MYL5: variants seen among roughly 807,000 people sequenced by gnomAD.
MYL5 encodes myosin light chain 5, also known as myosin regulatory light chain 5.
MYL5 carries 28 observed loss-of-function variants against 20.8 expected under a neutral mutation model. That is an observed-to-expected ratio of 1.35 (90% CI 1.00 to 1.84). The LOEUF is 1.84. Ranked by LOEUF, MYL5 falls within the 40% of genes most tolerant of loss-of-function variation. The pLI, the probability that MYL5 is intolerant of heterozygous loss-of-function variation, is 0.00. For synonymous variants in MYL5, 118 were observed against 87.4 expected (o/e 1.35, Z -1.95); for missense variants, 274 against 227.3 (o/e 1.21, Z -1.32).
At position 681,157 on chromosome 4, in the gene MYL5, C is replaced by G. The variant is rs1739449146; in HGVS notation, c.420+17C>G. On this transcript the variant is annotated intron_variant, in intron 6 of 6. Transcript: ENST00000400159. ...GCGGAAGAGGTCTGGCCCGCGGCTT[C>G]CCTGCCAAGCCCACGAGGGGAGGGC... is the stretch of plus-strand genomic sequence containing the variant. The G allele has an allele frequency of 2.6e-5, 41 of 1,599,046 alleles. No individual in the cohort carries two copies. The highest frequency in any genetic ancestry group is 3.3e-5 in the Non-Finnish European group (39 of 1,173,894).
At chr4:678,573 T>TGA (rs1239351830) in intron 1 of MYL5, 85 bp from the exon 4 acceptor site, 1 of 1,521,796 alleles carries the variant, frequency 6.6e-7, no homozygotes, top group African/African-American at 1.4e-5. Context: ...ACCCTTCATC[T>TGA]GAGTTAAGTC....
chr4:674,768 G>C (rs1483316521), upstream of MYL5: 2 of 167,126 alleles, frequency 1.2e-5, no homozygotes, highest in African/African-American at 4.8e-5. Context: ...TCCTGGGAGC[G>C]GAGTGTGAGC....
At chr4:677,424 T>C (rs933575845), upstream of MYL5, among the ~76,000 whole-genome samples, 1 of 152,126 alleles carries the variant, frequency 6.6e-6, no homozygotes, top group African/African-American at 2.4e-5. Context: ...CGTGGCCATC[T>C]CCATGGCTCC....
chr4:677,232 C>T (rs372771412), upstream of MYL5, among the ~76,000 whole-genome samples: 18 of 152,316 alleles, frequency 1.2e-4, no homozygotes, highest in African/African-American at 4.3e-4. Flanking sequence ...GGCCTGCAGA[C>T]CCTCCTCCCA....
upstream of MYL5, chr4:676,885 A>G: frequency 1.0e-6 from 1 of 985,296 alleles, no homozygotes; most frequent in Non-Finnish European, 1.2e-6. Context: ...CAACCTCAGG[A>G]GTCAGTGCTT....
intron 5 of MYL5, 37 bp from the exon 8 acceptor site, chr4:681,055 C>G (rs1391904424): frequency 4.5e-6 from 7 of 1,569,468 alleles, no homozygotes; most frequent in Non-Finnish European, 6.1e-6. Flanking sequence ...CCTGCACCCC[C>G]GCATCAGCCC....
chr4:678,071 G>T, intron 1 of MYL5, 42 bp downstream of exon 3: 1 of 1,610,864 alleles, frequency 6.2e-7, no homozygotes, highest in South Asian at 1.1e-5. Context: ...GCGTGTGGGT[G>T]TGAGCTGTGC....
At position 681,266 on chromosome 4, in the gene MYL5, C is replaced by G. The variant is rs1007862561; in HGVS notation, c.420+126C>G. 7.8e-6 allele frequency: 9 copies of G among 1,151,764 alleles called. No homozygotes were observed. In the African/African-American group the frequency reaches 1.2e-4, roughly 16 times the overall value. The allele number at this position is 1,151,764 out of a possible 1,614,324, so 71.3% of individuals were successfully genotyped here. ...GTTAGGACCCAGGACAGAACAGGCC[C>G]CCGGGGGGCTCCCGAAGTGCCCGTC... On this transcript the variant is annotated intron_variant, in intron 6 of 6. Coordinates refer to ENST00000400159, the Ensembl canonical transcript of MYL5.
rs769480986 is a variant in MYL5, at chr4:680,025, A to G, written c.292+7A>G. The stretch of plus-strand genomic sequence containing the variant: ...TTTGGGGAGAAGCTGAGCGGTGAGC[A>G]CCGGTGGGGCAGGCCTGGCCCTCCT... On this transcript the variant is annotated splice_region_variant and intron_variant, in intron 4 of 6. Transcript: ENST00000400159. 1.5e-5 allele frequency: 24 copies of G among 1,607,556 alleles called. No individual in the cohort carries two copies. Among genetic ancestry groups the G allele is most frequent in the Non-Finnish European group, 2.6e-6 (3 of 1,176,312 alleles).
chr4:681,180 GGC>G, intron 6 of MYL5, 40 bp downstream of exon 8: 3 of 1,586,024 alleles, frequency 1.9e-6, no homozygotes, highest in Non-Finnish European at 2.6e-6. Flanking sequence ...ACGAGGGGAG[GGC>G]GGGGCTCCCG....
intron 4 of MYL5, 33 bp downstream of exon 6, chr4:680,051 A>T: frequency 6.0e-6 from 9 of 1,497,426 alleles, no homozygotes; most frequent in Non-Finnish European, 8.3e-6. Flanking sequence ...TGGCCCTCCT[A>T]GCTAATTCCT....
At chr4:679,024 G>T (rs1160826573) in exon 3 of MYL5, 1 of 1,613,672 alleles carries the variant, frequency 6.2e-7, no homozygotes, top group South Asian at 1.1e-5. Flanking sequence ...GGACACCTAT[G>T]CCTCCCTGGG....
chr4:680,926 C>G (rs1739410287), intron 5 of MYL5, 166 bp from the exon 8 acceptor site: 1 of 772,240 alleles, frequency 1.3e-6, no homozygotes, highest in East Asian at 2.7e-5. Flanking sequence ...AGTGATGGCC[C>G]CTGAGTGTGT....
At chr4:674,559 G>C (rs151112566), upstream of MYL5, 214 of 461,254 alleles carry the variant, frequency 4.6e-4, 1 homozygote, top group East Asian at 8.3e-3. Flanking sequence ...CGCAGGGCTG[G>C]GGGTCCGCTG....
chr4:681,235 G>A, intron 6 of MYL5, 95 bp downstream of exon 8: 5 of 1,448,744 alleles, frequency 3.5e-6, no homozygotes, highest in South Asian at 1.2e-5. Context: ...GAGGAGCAGC[G>A]CCGCGGTTAG....
At chr4:676,945 C>T (rs531767447), upstream of MYL5, 191 of 985,272 alleles carry the variant, frequency 1.9e-4, 1 homozygote, top group South Asian at 2.0e-3. Context: ...TCTCAGGGGA[C>T]GCCAACTGTG....
At chr4:681,638 C>T (rs1345766014) in intron 6 of MYL5, among the ~76,000 whole-genome samples, 1 of 64,748 alleles carries the variant, frequency 1.5e-5, no homozygotes, top group Non-Finnish European at 3.1e-5. Flanking sequence ...CCCTCCAGCG[C>T]CGCCCCGCCC....
At chr4:681,662 C>G (rs1335413434) in intron 6 of MYL5, among the ~76,000 whole-genome samples, 4 of 48,132 alleles carry the variant, frequency 8.3e-5, no homozygotes, top group East Asian at 5.6e-4. Flanking sequence ...CCAGCGCCGC[C>G]CCGCCCCCTC....
In MYL5 at chr4:681,789, G is replaced by A. The variant is rs925422615; in HGVS notation, c.421-104G>A. The A allele has an allele frequency of 3.9e-5, 47 of 1,205,350 alleles. No individual in the cohort carries two copies. The Admixed American group carries it at 6.2e-4, about 16-fold the overall frequency. The allele number at this position is 1,205,350 out of a possible 1,614,324, so 74.7% of individuals were successfully genotyped here. ...TCACCCCGCACCCGGGCCCCTCCCC[G>A]CTCCCCCTCCCGCGGCGCAGAAACC... On this transcript the variant is annotated intron_variant, in intron 6 of 6. Transcript: ENST00000400159.
Sources: gnomAD v4.1 joint callset for allele counts (sites outside exome capture counted in the v4.1 genomes callset) on GRCh38, gnomAD v4.1.1 for gene constraint, MANE v1.5 for transcripts, NCBI Gene and HGNC (gene_info 2026-07-23, HGNC 2026-07-21) for gene names.